Variants in SEMA5A observed in about 807,000 individuals in gnomAD.
The protein encoded by SEMA5A is semaphorin-5A.
SEMA5A carries 55 observed loss-of-function variants against 135.5 expected under a neutral mutation model. The observed-to-expected ratio is 0.41, with a 90% confidence interval of 0.33 to 0.51. SEMA5A has a LOEUF of 0.51. Among genes scored for constraint, SEMA5A ranks in the 20% least tolerant of loss-of-function variants. The pLI, the probability that SEMA5A is intolerant of heterozygous loss-of-function variation, is 0.37. For missense variants in SEMA5A, 1,290 were observed against 1,419.9 expected, an observed-to-expected ratio of 0.91 and a Z score of 1.47; for synonymous variants, 580 against 546.5, an observed-to-expected ratio of 1.06 and a Z score of -0.85.
At chr5:9,487,378 T>C (rs1327653779) in intron 1 of SEMA5A, among the ~76,000 whole-genome samples, 1 of 152,138 alleles carries the variant, frequency 6.6e-6, no homozygotes, top group East Asian at 1.9e-4. Flanking sequence ...AGTTAAAACC[T>C]TGGCCAAAGG....
chr5:9,429,347 C>T (rs1286777037), intron 2 of SEMA5A, among the ~76,000 whole-genome samples: 1 of 150,730 alleles, frequency 6.6e-6, no homozygotes, highest in Admixed American at 6.6e-5. Flanking sequence ...TCCATCAACC[C>T]ATCTACACAA....
chr5:9,221,341 C>T (rs1411898033), intron 8 of SEMA5A, among the ~76,000 whole-genome samples: 3 of 129,514 alleles, frequency 2.3e-5, no homozygotes, highest in African/African-American at 5.8e-5. Flanking sequence ...CTCGCTGTGT[C>T]ACCCAGGCTG....
At chr5:9,385,345 A>G (rs1198284381) in intron 2 of SEMA5A, among the ~76,000 whole-genome samples, 2 of 152,256 alleles carry the variant, frequency 1.3e-5, no homozygotes, top group Non-Finnish European at 2.9e-5. Flanking sequence ...AATCAAAGGA[A>G]TAAAAGCTTC....
Position 9,062,984 on chromosome 5 carries a change from C to G in SEMA5A, c.2421G>C (p.Arg807=). 6.2e-7 allele frequency: 1 copy of G among 1,614,240 alleles called. No homozygotes were observed. Among genetic ancestry groups the G allele is most frequent in the Non-Finnish European group, 8.5e-7 (1 of 1,180,034 alleles). The part of the protein sequence containing the change: ...SRDCSRGIRN[R]KRVCNNPEPK... The stretch of plus-strand genomic sequence containing the variant: ...GTTCGGGGTTGTTGCAAACACGCTT[C>G]CGGTTCCGAATGCCCCTGCTGCAGT... The change falls in exon 18 of 23, where the codon CGG becomes CGC. Residue 807 remains arginine (R), a synonymous_variant. Transcript: ENST00000382496.
At position 9,224,841 on chromosome 5, in the gene SEMA5A, C is replaced by G. The variant is rs548134293; in HGVS notation, c.479G>C (p.Arg160Pro). The G allele has an allele frequency of 6.2e-7, 1 of 1,613,828 alleles. No homozygotes were observed. Among genetic ancestry groups the G allele is most frequent in the African/African-American group, 1.3e-5 (1 of 75,014 alleles). ...EIHDQISGMA[R>P]CPYSPQHNST... ...ATTGTGCTGGGGACTGTAGGGACAGCGGGCCATGCCACTGATCTGATCATG... is the reference window on the plus strand; with the variant it reads ...ATTGTGCTGGGGACTGTAGGGACAGGGGGCCATGCCACTGATCTGATCATG... Residue 160 changes from arginine (R) to proline (P), a missense_variant, in exon 8 of 23, where the codon CGC (arginine) becomes CCC (proline). Around this residue, in one of 3 missense-constraint regions of SEMA5A, gnomAD observed 145 missense variants for 212.0 expected, o/e 0.68. Coordinates refer to ENST00000382496, the MANE Select transcript of SEMA5A (RefSeq NM_003966.3).
intron 5 of SEMA5A, among the ~76,000 whole-genome samples, chr5:9,267,010 T>C (rs1749713662): frequency 6.6e-6 from 1 of 152,166 alleles, no homozygotes; most frequent in Admixed American, 6.6e-5. Flanking sequence ...ATTAGAAGCC[T>C]GAGATTCAGT....
At chr5:9,488,000 T>C (rs547926390) in intron 1 of SEMA5A, among the ~76,000 whole-genome samples, 2 of 152,310 alleles carry the variant, frequency 1.3e-5, no homozygotes, top group South Asian at 4.1e-4. Context: ...TGCAAAATTT[T>C]TCTATCCTTT....
intron 1 of SEMA5A, among the ~76,000 whole-genome samples, chr5:9,519,394 T>A (rs1403180632): frequency 1.3e-5 from 2 of 152,240 alleles, no homozygotes; most frequent in African/African-American, 4.8e-5. Flanking sequence ...GCGAAGTATG[T>A]CCCTAAACTT....
chr5:9,251,090 A>C (rs546286537), intron 5 of SEMA5A, among the ~76,000 whole-genome samples: 2 of 152,250 alleles, frequency 1.3e-5, no homozygotes, highest in South Asian at 4.1e-4. Flanking sequence ...GTTAGTTATA[A>C]CTGGAGTGGG....
intron 10 of SEMA5A, 89 bp downstream of exon 10, chr5:9,197,079 C>A (rs78391410): frequency 6.4e-6 from 10 of 1,554,430 alleles, no homozygotes; most frequent in African/African-American, 2.7e-5. Context: ...CATGCACCCG[C>A]GGTTTAAATT....
In SEMA5A at chr5:9,036,772, TCTC is replaced by T. The variant is rs1215613877; in HGVS notation, c.*6122_*6124del. 6.6e-6 allele frequency: 1 copy of T among 152,518 alleles called. No individual in the cohort carries two copies. Among genetic ancestry groups the T allele is most frequent in the East Asian group, 1.9e-4 (1 of 5,182 alleles). 9.4% of individuals were successfully genotyped at this position (152,518 alleles called of 1,614,324 possible). A position where few individuals can be genotyped will look rare whatever the true frequency, so the allele number is the denominator to read the frequency against. ...TCTTTAAAGTAAATCCAATCAATCT[TCTC>T]CTTCTAATTAGACCAATAATATCCA... On this transcript the variant is annotated 3_prime_UTR_variant, in exon 23 of 23. Transcript: ENST00000382496.
intron 8 of SEMA5A, among the ~76,000 whole-genome samples, chr5:9,221,970 C>A (rs990177582): frequency 1.8e-4 from 28 of 152,104 alleles, no homozygotes; most frequent in African/African-American, 6.5e-4. Flanking sequence ...GACAGAGGCT[C>A]CACCTTTTCT....
chr5:9,384,628 ATAGATAG>A, intron 2 of SEMA5A, among the ~76,000 whole-genome samples: 1 of 106,722 alleles, frequency 9.4e-6, no homozygotes, highest in Non-Finnish European at 1.9e-5. Flanking sequence ...ACATAGATAG[ATAGATAG>A]ATAGATAGAT....
Position 9,122,673 on chromosome 5 carries a change from C to A in SEMA5A, c.1764G>T (p.Glu588Asp). Residue 588 changes from glutamate to aspartate, a missense_variant, in exon 14 of 23, where the codon GAG becomes GAT. By Grantham distance (45) the Glu-to-Asp change is conservative. Coordinates refer to ENST00000382496, the MANE Select transcript of SEMA5A (RefSeq NM_003966.3). The part of the protein sequence containing the change: ...GGWQCEGPGM[E>D]IANCSRNGGW... ...CGGCACACCTGGAACAGTTGGCGAT[C>A]TCCATGCCAGGGCCCTCGCACTGCC... 1.2e-6 allele frequency: 2 copies of A among 1,603,662 alleles called. No individual in the cohort carries two copies. The highest frequency in any genetic ancestry group is 8.5e-7 in the Non-Finnish European group (1 of 1,173,310).
At chr5:9,206,569 T>C in intron 8 of SEMA5A, among the ~76,000 whole-genome samples, 1 of 152,106 alleles carries the variant, frequency 6.6e-6, no homozygotes. Context: ...AAAGCATCAA[T>C]ATGGGGGTAC....
chr5:9,257,527 G>A (rs1319102272), intron 5 of SEMA5A, among the ~76,000 whole-genome samples: 1 of 151,584 alleles, frequency 6.6e-6, no homozygotes, highest in Non-Finnish European at 1.5e-5. Flanking sequence ...CCTGGAAAAT[G>A]TCCATGAAAA....
rs544121654 is a variant in SEMA5A, at chr5:9,268,010, A to C, written c.271-30120T>G. ...CACATCCTGTATCATAATAATATAA[A>C]TTGAGTAATAAAAATATGATTAAAA... On this transcript the variant is annotated intron_variant, in intron 5 of 22. Coordinates refer to ENST00000382496, the MANE Select transcript of SEMA5A (RefSeq NM_003966.3). Among the ~76,000 whole-genome samples, 28 of 152,258 alleles carry C rather than the reference A, an allele frequency of 1.8e-4. No homozygotes were observed. In the South Asian group the frequency reaches 5.8e-3, roughly 32 times the overall value.
chr5:9,053,022 A>G (rs1236834510), intron 19 of SEMA5A, among the ~76,000 whole-genome samples: 1 of 152,232 alleles, frequency 6.6e-6, no homozygotes, highest in Non-Finnish European at 1.5e-5. Flanking sequence ...AATGACAGTG[A>G]GAATCTGGCT....
chr5:9,195,084 AG>A (rs1401193846), intron 10 of SEMA5A, among the ~76,000 whole-genome samples: 1 of 152,236 alleles, frequency 6.6e-6, no homozygotes, highest in African/African-American at 2.4e-5. Flanking sequence ...CTTTCTTAAA[AG>A]GAGTATTTCC....
Sources: gnomAD v4.1 joint callset for allele counts (sites outside exome capture counted in the v4.1 genomes callset) on GRCh38, gnomAD v4.1.1 for gene constraint, gnomAD v4.1.1 regional missense constraint, MANE v1.5 for transcripts, NCBI Gene and HGNC (gene_info 2026-07-23, HGNC 2026-07-21) for gene names.